CSMD1: variants seen among roughly 807,000 people sequenced by gnomAD.
CSMD1 encodes CUB and sushi domain-containing protein 1.
CSMD1 carries 213 observed loss-of-function variants against 417.5 expected under a neutral mutation model. The ratio of observed to expected loss-of-function variants is 0.51; its 90% CI spans 0.46 to 0.57. CSMD1 has a LOEUF of 0.57. CSMD1 is among the 20% of genes least tolerant of loss of function. The pLI, the probability that CSMD1 is intolerant of heterozygous loss-of-function variation, is 0.00. For missense variants in CSMD1, 6,923 were observed against 4,529.7 expected (o/e 1.53, Z -15.17); for synonymous variants, 2,862 against 1,736.8 (o/e 1.65, Z -16.11).
At chr8:3,754,541 G>T (rs947537157) in intron 5 of CSMD1, among the ~76,000 whole-genome samples, 1 of 151,930 alleles carries the variant, frequency 6.6e-6, no homozygotes, top group Admixed American at 6.6e-5. Context: ...TGCAAGCTCC[G>T]CCTCCTGGGT....
intron 26 of CSMD1, among the ~76,000 whole-genome samples, chr8:3,263,300 T>C (rs894019936): frequency 5.9e-5 from 9 of 152,192 alleles, no homozygotes; most frequent in African/African-American, 2.2e-4. Context: ...GGTTTCACCA[T>C]GTTGGCCAGG....
chr8:3,307,273 C>A (rs943829760), intron 25 of CSMD1, among the ~76,000 whole-genome samples: 5 of 152,126 alleles, frequency 3.3e-5, no homozygotes, highest in African/African-American at 1.2e-4. Context: ...GCTGCAGGAA[C>A]AGAAGCCTGG....
intron 3 of CSMD1, among the ~76,000 whole-genome samples, chr8:4,182,095 A>G (rs2131179961): frequency 6.6e-6 from 1 of 152,162 alleles, no homozygotes; most frequent in East Asian, 1.9e-4. Context: ...CTACCTGAAT[A>G]GCATTTCAAT....
At chr8:3,570,845 T>G (rs1281805734) in intron 10 of CSMD1, among the ~76,000 whole-genome samples, 1 of 152,220 alleles carries the variant, frequency 6.6e-6, no homozygotes, top group Non-Finnish European at 1.5e-5. Context: ...GGATCTTGAC[T>G]TCCTCTCTGT....
intron 20 of CSMD1, among the ~76,000 whole-genome samples, chr8:3,360,393 G>GT (rs1809081336): frequency 6.6e-6 from 1 of 152,184 alleles, no homozygotes; most frequent in Admixed American, 6.5e-5. Context: ...TTGAGCTCTG[G>GT]CTGTCACCAG....
rs113640864 is a variant in CSMD1 at position 4,487,558 on chromosome 8, T to G, written c.303-67493A>C. Among the ~76,000 whole-genome samples the G allele has an allele frequency of 6.7e-3, 1,014 of 152,324 alleles. 9 individuals carry two copies. The highest frequency in any genetic ancestry group is 0.023 in the African/African-American group (969 of 41,568). On this transcript the variant is annotated intron_variant, in intron 2 of 69. Coordinates refer to ENST00000635120, the MANE Select transcript of CSMD1 (RefSeq NM_033225.6). ...CATGTGCCACATTTTCTTAATCCAG[T>G]CTATCATTGTTGGACATTTGGGTTG...
chr8:3,032,096 T>G (rs184914592), intron 50 of CSMD1, among the ~76,000 whole-genome samples: 132 of 151,782 alleles, frequency 8.7e-4, no homozygotes, highest in African/African-American at 3.0e-3. Context: ...GAGTGGAAAT[T>G]AGGAGTAAAA....
intron 3 of CSMD1, among the ~76,000 whole-genome samples, chr8:4,330,701 T>G (rs1053092272): frequency 6.6e-6 from 1 of 152,224 alleles, no homozygotes; most frequent in Non-Finnish European, 1.5e-5. Flanking sequence ...CTCAATTTTC[T>G]GTAGGTTGAG....
At chr8:4,547,234 T>G (rs1478837774) in intron 2 of CSMD1, among the ~76,000 whole-genome samples, 1 of 152,204 alleles carries the variant, frequency 6.6e-6, no homozygotes. Flanking sequence ...GCCTCTGTGG[T>G]TTCCTTCCTG....
chr8:3,051,671 G>T (rs1441531206), intron 50 of CSMD1, among the ~76,000 whole-genome samples: 2 of 152,096 alleles, frequency 1.3e-5, no homozygotes, highest in South Asian at 2.1e-4. Flanking sequence ...AAATGAAAAA[G>T]ATTATAGAAC....
chr8:4,702,479 A>G (rs1807636887), intron 1 of CSMD1, among the ~76,000 whole-genome samples: 1 of 152,192 alleles, frequency 6.6e-6, no homozygotes, highest in South Asian at 2.1e-4. Flanking sequence ...TTCAGTCAAA[A>G]TGTTGCTGCT....
intron 7 of CSMD1, among the ~76,000 whole-genome samples, chr8:3,620,207 A>G (rs1802355513): frequency 6.6e-6 from 1 of 152,198 alleles, no homozygotes; most frequent in South Asian, 2.1e-4. Context: ...TCCTTCAAAA[A>G]TGAAAGGGAA....
At chr8:3,516,741 C>T (rs1334870380) in intron 10 of CSMD1, among the ~76,000 whole-genome samples, 1 of 152,016 alleles carries the variant, frequency 6.6e-6, no homozygotes, top group Non-Finnish European at 1.5e-5. Context: ...CATGCCTCAC[C>T]ACAGCAGTAT....
Position 4,679,603 on chromosome 8 carries a change from C to T in CSMD1, c.86-42045G>A, listed in dbSNP as rs566522129. Among the ~76,000 whole-genome samples, 6 of 152,188 alleles carry T rather than the reference C, an allele frequency of 3.9e-5. No individual in the cohort carries two copies. The East Asian group carries it at 1.2e-3, about 29-fold the overall frequency. On this transcript the variant is annotated intron_variant, in intron 1 of 69. Coordinates refer to ENST00000635120, the MANE Select transcript of CSMD1 (RefSeq NM_033225.6). ...AACTGCAATAAGTTCTCTTAATCAT[C>T]GTCCTTCTTTAATGATAATGTATCT...
chr8:4,606,526 G>A (rs1800877885), intron 2 of CSMD1, among the ~76,000 whole-genome samples: 1 of 152,146 alleles, frequency 6.6e-6, no homozygotes, highest in South Asian at 2.1e-4. Context: ...GACAACAGCG[G>A]CCAATGGCAG....
chr8:4,940,304 C>T (rs917469319), intron 1 of CSMD1, among the ~76,000 whole-genome samples: 1 of 152,166 alleles, frequency 6.6e-6, no homozygotes, highest in Non-Finnish European at 1.5e-5. Flanking sequence ...AATGATATGG[C>T]TTCAATCTGA....
intron 5 of CSMD1, among the ~76,000 whole-genome samples, chr8:3,993,972 G>A (rs1221119258): frequency 1.3e-5 from 2 of 152,140 alleles, no homozygotes; most frequent in African/African-American, 2.4e-5. Context: ...AGACAGGGAT[G>A]GGTTCACAGG....
At chr8:3,370,039 T>C (rs1423470245) in intron 18 of CSMD1, among the ~76,000 whole-genome samples, 3 of 152,228 alleles carry the variant, frequency 2.0e-5, no homozygotes, top group African/African-American at 7.2e-5. Context: ...TTACAGTGTG[T>C]AGTAGCTACT....
intron 5 of CSMD1, among the ~76,000 whole-genome samples, chr8:3,834,921 A>G (rs1802588806): frequency 6.6e-6 from 1 of 152,222 alleles, no homozygotes; most frequent in South Asian, 2.1e-4. Context: ...ATGAACAGAC[A>G]CTTCTCAAAA....
Sources: allele counts gnomAD v4.1 joint callset (sites outside exome capture counted in the v4.1 genomes callset), GRCh38; gene constraint gnomAD v4.1.1; transcripts MANE v1.5; gene names NCBI Gene and HGNC (gene_info 2026-07-23, HGNC 2026-07-21).